Variants in CA13 observed in about 807,000 individuals in gnomAD.
The protein encoded by CA13 is CA-XIII.
CA13 carries 21 observed loss-of-function variants against 31.5 expected under a neutral mutation model. The ratio of observed to expected loss-of-function variants is 0.67; its 90% CI spans 0.47 to 0.96. CA13 has a LOEUF of 0.96. Among genes scored for constraint, CA13 ranks in the 40% least tolerant of loss-of-function variants. The pLI, the probability that CA13 is intolerant of heterozygous loss-of-function variation, is 0.00. For synonymous variants in CA13, 117 were observed against 111.4 expected (o/e 1.05, Z -0.32); for missense variants, 315 against 318.9 (o/e 0.99, Z 0.09).
rs762521162 is a variant in CA13 at position 85,283,079 on chromosome 8, C to G, written c.*1730C>G. ...GGCTGGGATTACAGGCACATGCCAC[C>G]ACACCCGGCTAATTTTTGTATTTTT... On this transcript the variant is annotated 3_prime_UTR_variant, in exon 7 of 7. Transcript: ENST00000321764. 1 of 152,148 alleles carries G rather than the reference C, an allele frequency of 6.6e-6. No individual in the cohort carries two copies. Among genetic ancestry groups the G allele is most frequent in the Non-Finnish European group, 1.5e-5 (1 of 68,078 alleles). 9.4% of individuals were successfully genotyped at this position (152,148 alleles called of 1,614,324 possible).
chr8:85,276,344 C>T (rs1487467898), intron 6 of CA13, among the ~76,000 whole-genome samples: 2 of 152,206 alleles, frequency 1.3e-5, no homozygotes, highest in Non-Finnish European at 2.9e-5. Context: ...CGAGCTTCCC[C>T]AAACGATCGC....
chr8:85,281,335 G>A lies in CA13; in HGVS notation c.775G>A (p.Ala259Thr). 1.2e-6 allele frequency: 2 copies of A among 1,613,878 alleles called. No homozygotes were observed. Residue 259 changes from alanine to threonine, a missense_variant, in exon 7 of 7, where the codon GCC becomes ACC. Physicochemically the swap from Ala to Thr is moderately conservative, Grantham distance 58 (BLOSUM62 0). Coordinates refer to ENST00000321764, the MANE Select transcript of CA13 (RefSeq NM_198584.3). Reference protein sequence around the residue: ...PQPLKGRKVRASFH With the variant: ...PQPLKGRKVRTSFH ...GCCTCTAAAGGGCCGCAAAGTGAGA[G>A]CCTCTTTCCATTAAAAATTGTCACC...
At chr8:85,247,901 T>G (rs1813759446) in intron 1 of CA13, among the ~76,000 whole-genome samples, 1 of 102,862 alleles carries the variant, frequency 9.7e-6, no homozygotes, top group Non-Finnish European at 1.9e-5. Context: ...TTTTTTTTTT[T>G]TTTCTGTTTA....
At chr8:85,280,415 C>T (rs1807685594) in intron 6 of CA13, among the ~76,000 whole-genome samples, 1 of 152,228 alleles carries the variant, frequency 6.6e-6, no homozygotes, top group African/African-American at 2.4e-5. Context: ...TCTCTCTCCT[C>T]TGCCCCCGTC....
intron 6 of CA13, among the ~76,000 whole-genome samples, chr8:85,277,403 T>C (rs1330630765): frequency 6.6e-5 from 10 of 151,480 alleles, no homozygotes; most frequent in African/African-American, 2.4e-4. Flanking sequence ...AGCGAGACCA[T>C]GAACCCACCA....
At chr8:85,262,235 T>C (rs575501948) in intron 3 of CA13, among the ~76,000 whole-genome samples, 1 of 141,086 alleles carries the variant, frequency 7.1e-6, no homozygotes, top group Non-Finnish European at 1.6e-5. Context: ...GAATCAACCA[T>C]GCTCCTAATC....
At chr8:85,279,626 G>C (rs2130018318) in intron 6 of CA13, among the ~76,000 whole-genome samples, 1 of 152,302 alleles carries the variant, frequency 6.6e-6, no homozygotes, top group East Asian at 1.9e-4. Flanking sequence ...AGGGGCAGGA[G>C]CTAGGGTTGT....
At chr8:85,260,579 C>A (rs1416899621) in intron 3 of CA13, among the ~76,000 whole-genome samples, 3 of 152,156 alleles carry the variant, frequency 2.0e-5, no homozygotes, top group Admixed American at 2.0e-4. Context: ...GTTTGCTTTG[C>A]CACTAAATCA....
rs187049718 is a variant in CA13 at position 85,249,212 on chromosome 8, G to A, written c.38-1528G>A. Among the ~76,000 whole-genome samples, 10 of 152,256 alleles carry A rather than the reference G, an allele frequency of 6.6e-5. No homozygotes were observed. The East Asian group carries it at 1.9e-3, about 29-fold the overall frequency. ...CATAGTAAGCAGTATCAGATTTAGA[G>A]TTTGGGCCAGGCGTGGTGGCTCATG... On this transcript the variant is annotated intron_variant, in intron 1 of 6. Transcript: ENST00000321764.
intron 1 of CA13, among the ~76,000 whole-genome samples, chr8:85,248,317 C>T (rs1480162094): frequency 1.3e-5 from 2 of 151,864 alleles, no homozygotes; most frequent in South Asian, 2.1e-4. Flanking sequence ...ATTAGCTGGG[C>T]GTGGTGGTGC....
Position 85,268,637 on chromosome 8 carries a change from C to G in CA13, c.669+10C>G. The stretch of plus-strand genomic sequence containing the variant: ...CATCAGCTCTCAACAGGTACATAAT[C>G]TCTTCCAGGTTGATACTGATTCCCT... On this transcript the variant is annotated intron_variant, in intron 6 of 6. Transcript: ENST00000321764. 2 of 1,607,482 alleles carry G rather than the reference C, an allele frequency of 1.2e-6. No individual in the cohort carries two copies. Among genetic ancestry groups the G allele is most frequent in the Non-Finnish European group, 1.7e-6 (2 of 1,176,142 alleles).
At position 85,245,746 on chromosome 8, in the gene CA13, G is replaced by T. The variant is rs1273452769; in HGVS notation, c.-83G>T. On this transcript the variant is annotated 5_prime_UTR_variant, in exon 1 of 7. In the 5' UTR this introduces an upstream ATG that the reference lacks. Transcript: ENST00000321764. ...GGCGCCCCGCGGTCCCGCCCTAGCA[G>T]GCTCCTTCCCGGGCCCCTCCCCGCT... 2.6e-6 allele frequency: 4 copies of T among 1,525,088 alleles called. No individual in the cohort carries two copies. In the South Asian group the frequency reaches 3.4e-5, roughly 13 times the overall value. The allele number at this position is 1,525,088 out of a possible 1,614,324, so 94.5% of individuals were successfully genotyped here.
chr8:85,264,278 C>T (rs1807426023), intron 3 of CA13, among the ~76,000 whole-genome samples: 1 of 152,098 alleles, frequency 6.6e-6, no homozygotes, highest in Admixed American at 6.5e-5. Context: ...ATTTTGCATA[C>T]CACTAATATG....
intron 3 of CA13, among the ~76,000 whole-genome samples, chr8:85,259,983 C>T (rs1487266682): frequency 6.6e-6 from 1 of 150,696 alleles, no homozygotes; most frequent in Non-Finnish European, 1.5e-5. Context: ...GTAAAGACCA[C>T]ATTAAATAGG....
intron 2 of CA13, among the ~76,000 whole-genome samples, chr8:85,255,718 A>G (rs987450301): frequency 2.0e-5 from 3 of 152,158 alleles, no homozygotes; most frequent in Admixed American, 6.6e-5. Flanking sequence ...AATTGGCTGT[A>G]ATATACAGGG....
chr8:85,247,664 G>T (rs1227304359), intron 1 of CA13, among the ~76,000 whole-genome samples: 3 of 152,124 alleles, frequency 2.0e-5, no homozygotes, highest in Non-Finnish European at 4.4e-5. Flanking sequence ...CCCTCTCCTG[G>T]GTTCAAGCGA....
chr8:85,254,790 G>GT (rs1326687681), intron 2 of CA13, among the ~76,000 whole-genome samples: 8 of 68,182 alleles, frequency 1.2e-4, no homozygotes, highest in East Asian at 6.2e-4. Context: ...TTTTTTTTTG[G>GT]TTTTGTTTTT....
intron 2 of CA13, among the ~76,000 whole-genome samples, chr8:85,257,155 C>T (rs554974331): frequency 1.3e-5 from 2 of 152,282 alleles, no homozygotes; most frequent in African/African-American, 2.4e-5. Flanking sequence ...TCAGTAGCAT[C>T]CCTACAAACT....
chr8:85,246,508 C>G (rs1466656014), intron 1 of CA13: 1 of 455,858 alleles, frequency 2.2e-6, no homozygotes, highest in East Asian at 6.9e-5. Context: ...GGTTACTTCT[C>G]CACTCTTCTT....
Sources: gnomAD v4.1 joint callset for allele counts (sites outside exome capture counted in the v4.1 genomes callset) on GRCh38, gnomAD v4.1.1 for gene constraint, MANE v1.5 for transcripts, NCBI Gene and HGNC (gene_info 2026-07-23, HGNC 2026-07-21) for gene names.